ITPR1: variants seen among roughly 807,000 people sequenced by gnomAD.
ITPR1 encodes the protein inositol 1,4,5-trisphosphate receptor type 1, also known as inositol 1,4,5-trisphosphate-gated calcium channel ITPR1.
Under a neutral mutation model 318.4 loss-of-function variants are expected in ITPR1, and 96 were observed. The ratio of observed to expected loss-of-function variants is 0.30; its 90% confidence interval spans 0.26 to 0.36. ITPR1 has a LOEUF of 0.36. ITPR1 is among the 10% of genes least tolerant of loss of function. The pLI is 1.00. For missense variants in ITPR1, 2,440 were observed against 3,460.2 expected (o/e 0.71, Z 7.40); for synonymous variants, 1,312 against 1,289.9 (o/e 1.02, Z -0.37).
At chr3:4,620,495 G>T (rs2092584912) in intron 4 of ITPR1, among the ~76,000 whole-genome samples, 1 of 152,056 alleles carries the variant, frequency 6.6e-6, no homozygotes, top group Admixed American at 6.6e-5. Context: ...CCTTTCCAGG[G>T]TTCTGCAGTG....
chr3:4,688,463 A>G (rs2094432229), intron 30 of ITPR1, 32 bp from the exon 31 acceptor site: 12 of 1,610,972 alleles, frequency 7.4e-6, no homozygotes, highest in Non-Finnish European at 9.3e-6. Context: ...TGGCCCAGCA[A>G]TCAGTGCTTT....
chr3:4,650,900 A>T (rs1400953484), intron 10 of ITPR1, among the ~76,000 whole-genome samples: 1 of 152,012 alleles, frequency 6.6e-6, no homozygotes, highest in African/African-American at 2.4e-5. Flanking sequence ...AAGTTTGTTG[A>T]GTATGTGGAG....
At chr3:4,606,271 G>A (rs1382732918) in intron 4 of ITPR1, among the ~76,000 whole-genome samples, 1 of 152,044 alleles carries the variant, frequency 6.6e-6, no homozygotes, top group African/African-American at 2.4e-5. Flanking sequence ...TAGGATGGAG[G>A]ACAAAAAAGT....
At chr3:4,842,075 T>C (rs1231847005) in intron 61 of ITPR1, among the ~76,000 whole-genome samples, 1 of 152,246 alleles carries the variant, frequency 6.6e-6, no homozygotes, top group African/African-American at 2.4e-5. Context: ...ATTTGTGTGC[T>C]GTCAATGAAC....
At chr3:4,717,238 G>T in intron 39 of ITPR1, 129 bp from the exon 40 acceptor site, 1 of 816,092 alleles carries the variant, frequency 1.2e-6, no homozygotes, top group Non-Finnish European at 2.0e-6. Context: ...AGCCTCTTAG[G>T]ATGGTTACCC....
Position 4,670,847 on chromosome 3 carries a change from C to T in ITPR1, c.2125C>T (p.Arg709Cys), listed in dbSNP as rs1169304800. 3.4e-5 allele frequency: 55 copies of T among 1,610,626 alleles called. No homozygotes were observed. The highest frequency in any genetic ancestry group is 5.3e-5 in the African/African-American group (4 of 74,838). The change falls in exon 20 of 62, where the codon CGC (arginine) becomes TGC (cysteine). Residue 709 changes from arginine (R) to cysteine (C), a missense_variant. This residue lies in a region of ITPR1 where 478 missense variants were observed against 696.3 expected (regional missense o/e 0.69). Transcript: ENST00000649015. ...LFWRDSNKEI[R>C]SKSVRELAQD... The stretch of plus-strand genomic sequence containing the variant: ...TTGGAGGGACAGCAACAAAGAGATT[C>T]GCAGCAAGAGTGTGAGGGAATTGGC...
At chr3:4,615,536 C>G (rs1385226891) in intron 4 of ITPR1, among the ~76,000 whole-genome samples, 1 of 152,022 alleles carries the variant, frequency 6.6e-6, no homozygotes, top group African/African-American at 2.4e-5. Flanking sequence ...GCCACCACGC[C>G]TGGCTAATTT....
intron 46 of ITPR1, among the ~76,000 whole-genome samples, chr3:4,773,164 G>A (rs539852344): frequency 1.3e-5 from 2 of 152,306 alleles, no homozygotes; most frequent in East Asian, 1.9e-4. Context: ...CATCTCACTG[G>A]AGTAGGGCTC....
At chr3:4,613,548 G>T (rs1404765587) in intron 4 of ITPR1, among the ~76,000 whole-genome samples, 1 of 152,114 alleles carries the variant, frequency 6.6e-6, no homozygotes, top group East Asian at 1.9e-4. Flanking sequence ...TGTGGGTGAC[G>T]CAAATACCAA....
chr3:4,711,608 G>T, intron 38 of ITPR1, 149 bp from the exon 39 acceptor site: 1 of 613,660 alleles, frequency 1.6e-6, no homozygotes. Flanking sequence ...GCTGTTCTCA[G>T]TGCAGGGAAT....
intron 16 of ITPR1, among the ~76,000 whole-genome samples, chr3:4,663,492 C>A (rs1479539406): frequency 1.3e-5 from 2 of 152,162 alleles, no homozygotes; most frequent in Non-Finnish European, 2.9e-5. Flanking sequence ...TTTCAATAGA[C>A]TATTTTCTAG....
chr3:4,553,525 G>A (rs1445866992), intron 4 of ITPR1, among the ~76,000 whole-genome samples: 1 of 151,862 alleles, frequency 6.6e-6, no homozygotes, highest in Non-Finnish European at 1.5e-5. Flanking sequence ...CTACCTCCTG[G>A]GCTTAAGCAG....
intron 4 of ITPR1, among the ~76,000 whole-genome samples, chr3:4,625,020 T>C (rs2092777489): frequency 6.6e-6 from 1 of 152,228 alleles, no homozygotes; most frequent in African/African-American, 2.4e-5. Context: ...GGTCTCCTGC[T>C]TTATCTTTTG....
chr3:4,656,885 T>A (rs558928131), intron 12 of ITPR1, among the ~76,000 whole-genome samples: 2 of 152,232 alleles, frequency 1.3e-5, no homozygotes, highest in African/African-American at 4.8e-5. Context: ...AATCACGCGA[T>A]GTAGAGTTGC....
At chr3:4,728,749 G>T (rs942900329) in intron 42 of ITPR1, among the ~76,000 whole-genome samples, 3 of 152,136 alleles carry the variant, frequency 2.0e-5, no homozygotes, top group Non-Finnish European at 2.9e-5. Context: ...CTGTCTTGGA[G>T]AATTGATGCC....
At position 4,837,815 on chromosome 3, in the gene ITPR1, G is replaced by C. The variant is rs2051038264; in HGVS notation, c.8190+880G>C. 2.0e-5 allele frequency among the ~76,000 whole-genome samples: 3 copies of C among 152,180 alleles called. 1 individual carries two copies. The South Asian group carries it at 6.2e-4, about 32-fold the overall frequency. ...GTACCCTGGGTGGTGAGAAGACCCT[G>C]ATTGGTTTTATTAGTGCATTTCTGT... On this transcript the variant is annotated intron_variant, in intron 61 of 61. Transcript: ENST00000649015.
intron 9 of ITPR1, 55 bp from the exon 10 acceptor site, chr3:4,645,527 C>T (rs375748076): frequency 1.2e-6 from 2 of 1,607,542 alleles, no homozygotes; most frequent in Non-Finnish European, 1.7e-6. Context: ...GGGCAGCAGT[C>T]TAATTCTCTT....
chr3:4,799,422 G>T (rs1311665139), intron 53 of ITPR1, among the ~76,000 whole-genome samples: 1 of 152,228 alleles, frequency 6.6e-6, no homozygotes, highest in African/African-American at 2.4e-5. Context: ...AGTTGTTAAA[G>T]TGAGGCTGAA....
At chr3:4,626,184 C>CTGTGTGTG (rs36079707) in intron 4 of ITPR1, among the ~76,000 whole-genome samples, 3 of 147,828 alleles carry the variant, frequency 2.0e-5, no homozygotes, top group African/African-American at 7.5e-5. Flanking sequence ...CCTAAACTTT[C>CTGTGTGTG]TGTGTGTGTG....
Sources: allele counts gnomAD v4.1 joint callset (sites outside exome capture counted in the v4.1 genomes callset), GRCh38; gene constraint gnomAD v4.1.1; regional missense constraint gnomAD v4.1.1; transcripts MANE v1.5; gene names NCBI Gene and HGNC (gene_info 2026-07-23, HGNC 2026-07-21).